Variants in ODAD2 observed in about 807,000 individuals in gnomAD.
ODAD2 encodes outer dynein arm docking complex subunit 2, also known as outer dynein arm-docking complex subunit 2.
A neutral mutation model predicts 106.8 loss-of-function variants in ODAD2; 89 were observed. The ratio of observed to expected loss-of-function variants is 0.83; its 90% confidence interval spans 0.70 to 0.99. The LOEUF (loss-of-function observed/expected upper bound fraction) is 0.99, where lower values mean the gene tolerates loss of function less well. ODAD2 is among the 50% of genes least tolerant of loss of function. ODAD2 has a pLI of 0.00. For synonymous variants in ODAD2, 404 were observed against 436.2 expected (o/e 0.93, Z 0.92); for missense variants, 1,168 against 1,238.5 (o/e 0.94, Z 0.85).
At chr10:27,906,888 A>G (rs1375336430) in intron 17 of ODAD2, among the ~76,000 whole-genome samples, 1 of 152,182 alleles carries the variant, frequency 6.6e-6, no homozygotes, top group Non-Finnish European at 1.5e-5. Flanking sequence ...GGGGAGGAAT[A>G]GCATTAGGAG....
chr10:27,907,798 A>G, intron 16 of ODAD2, 21 bp from the exon 17 acceptor site: 1 of 1,505,494 alleles, frequency 6.6e-7, no homozygotes, highest in Non-Finnish European at 9.2e-7. Context: ...ACCCAAAATC[A>G]TGATATAAAC....
chr10:27,820,458 GA>G, intron 19 of ODAD2, among the ~76,000 whole-genome samples: 1 of 152,120 alleles, frequency 6.6e-6, no homozygotes, highest in East Asian at 1.9e-4. Context: ...TTGGCATACA[GA>G]AAGCTGCTGT....
At chr10:27,953,349 T>A (rs2132730955) in intron 10 of ODAD2, among the ~76,000 whole-genome samples, 1 of 152,324 alleles carries the variant, frequency 6.6e-6, no homozygotes, top group South Asian at 2.1e-4. Flanking sequence ...ATAAAAAATC[T>A]TATAAATATC....
chr10:27,860,033 T>C (rs1438164488), intron 19 of ODAD2, among the ~76,000 whole-genome samples: 1 of 152,216 alleles, frequency 6.6e-6, no homozygotes, highest in Non-Finnish European at 1.5e-5. Context: ...CTACTGCTTG[T>C]CCATATGCTG....
chr10:27,884,780 G>A (rs1226070232), intron 17 of ODAD2, among the ~76,000 whole-genome samples: 2 of 152,028 alleles, frequency 1.3e-5, no homozygotes, highest in Non-Finnish European at 2.9e-5. Flanking sequence ...GAGCCTCTTT[G>A]GAAAATTAAG....
At chr10:27,893,557 G>A (rs200261733) in intron 17 of ODAD2, among the ~76,000 whole-genome samples, 2 of 151,490 alleles carry the variant, frequency 1.3e-5, no homozygotes, top group South Asian at 2.1e-4. Context: ...AAACAAAGAC[G>A]TTATTTCAAA....
At chr10:27,982,776 G>A (rs1849641565) in intron 6 of ODAD2, among the ~76,000 whole-genome samples, 1 of 152,158 alleles carries the variant, frequency 6.6e-6, no homozygotes, top group South Asian at 2.1e-4. Flanking sequence ...TGAAGATACT[G>A]AGGGCAGGAT....
chr10:27,957,310 T>G (rs889186380), intron 10 of ODAD2: 1 of 151,872 alleles, frequency 6.6e-6, no homozygotes, highest in Non-Finnish European at 1.5e-5. Flanking sequence ...GGGCTGAGAG[T>G]GAAGAACAGC....
chr10:27,861,868 T>C (rs1482383331), intron 18 of ODAD2, among the ~76,000 whole-genome samples: 1 of 152,210 alleles, frequency 6.6e-6, no homozygotes, highest in Non-Finnish European at 1.5e-5. Context: ...CCAAGCATCC[T>C]TCCAGGGTTT....
chr10:27,914,828 C>T (rs1475555829), intron 16 of ODAD2, among the ~76,000 whole-genome samples: 1 of 151,886 alleles, frequency 6.6e-6, no homozygotes, highest in Non-Finnish European at 1.5e-5. Context: ...AAACTAGACA[C>T]AGAAGAGAAA....
Position 27,985,080 on chromosome 10 carries a change from C to A in ODAD2, c.514G>T (p.Ala172Ser). 2 of 1,608,136 alleles carry A rather than the reference C, an allele frequency of 1.2e-6. No homozygotes were observed. Among genetic ancestry groups the A allele is most frequent in the Non-Finnish European group, 1.7e-6 (2 of 1,177,686 alleles). ...AGATCCAATTGCTTAAGCAGCATAG[C>A]AATCTTCATCTTAATTTCACTTTCA... ...DPESEIKMKIAMLLKQLDLHL... is the reference protein window; with the variant it reads ...DPESEIKMKISMLLKQLDLHL... Residue 172 changes from alanine (A) to serine (S), a missense_variant, in exon 4 of 20, where the codon GCT (alanine) becomes TCT (serine). This residue lies in a region of ODAD2 where 430 missense variants were observed against 452.2 expected (regional missense o/e 0.95). Coordinates refer to ENST00000305242, the MANE Select transcript of ODAD2 (RefSeq NM_018076.5).
chr10:27,959,578 G>T (rs1295147191), intron 10 of ODAD2, among the ~76,000 whole-genome samples: 1 of 152,102 alleles, frequency 6.6e-6, no homozygotes, highest in Non-Finnish European at 1.5e-5. Flanking sequence ...CTGCCAAAGG[G>T]AAGTGCAGGA....
chr10:27,873,853 C>A (rs1841103266), intron 17 of ODAD2, among the ~76,000 whole-genome samples: 1 of 152,152 alleles, frequency 6.6e-6, no homozygotes, highest in African/African-American at 2.4e-5. Context: ...GTGGAGAGTT[C>A]TGTAGGTGTC....
chr10:27,864,000 G>C (rs1840256465), intron 17 of ODAD2, among the ~76,000 whole-genome samples: 1 of 152,106 alleles, frequency 6.6e-6, no homozygotes, highest in Non-Finnish European at 1.5e-5. Context: ...AGAGGCTGAA[G>C]TGTGGGGGAA....
At chr10:27,976,578 T>G (rs1010422993) in intron 7 of ODAD2, among the ~76,000 whole-genome samples, 1 of 152,132 alleles carries the variant, frequency 6.6e-6, no homozygotes, top group Non-Finnish European at 1.5e-5. Context: ...TACAAAACAT[T>G]GGTGAGAGAA....
At chr10:27,907,988 CA>C (rs776611443) in intron 16 of ODAD2, among the ~76,000 whole-genome samples, 31 of 151,008 alleles carry the variant, frequency 2.1e-4, no homozygotes, top group Admixed American at 7.9e-4. Context: ...ACACAGAAAA[CA>C]AGCTGCTTGA....
intron 16 of ODAD2, among the ~76,000 whole-genome samples, chr10:27,908,313 C>A (rs1440619142): frequency 6.6e-6 from 1 of 152,062 alleles, no homozygotes; most frequent in Admixed American, 6.6e-5. Flanking sequence ...CCATGTGCAC[C>A]CTTCCCAGCA....
chr10:27,841,561 A>G (rs1158279787), intron 19 of ODAD2, among the ~76,000 whole-genome samples: 4 of 149,464 alleles, frequency 2.7e-5, no homozygotes, highest in Admixed American at 2.7e-4. Flanking sequence ...ATGCCCGGCT[A>G]ATTTTTGTAT....
intron 17 of ODAD2, among the ~76,000 whole-genome samples, chr10:27,872,881 A>G (rs1328966929): frequency 6.6e-6 from 1 of 152,188 alleles, no homozygotes; most frequent in Non-Finnish European, 1.5e-5. Context: ...AAAATGAGTT[A>G]GAGAGGATTC....
Sources: allele counts gnomAD v4.1 joint callset (sites outside exome capture counted in the v4.1 genomes callset), GRCh38; gene constraint gnomAD v4.1.1; regional missense constraint gnomAD v4.1.1; transcripts MANE v1.5; gene names NCBI Gene and HGNC (gene_info 2026-07-23, HGNC 2026-07-21).